SUGCT: variants seen among roughly 807,000 people sequenced by gnomAD.
The protein encoded by SUGCT is succinyl-CoA:glutarate CoA-transferase.
In SUGCT, 41 loss-of-function variants were observed where a neutral mutation model predicts 55.0. That is an observed-to-expected ratio of 0.74 (90% CI 0.58 to 0.97). SUGCT has a LOEUF of 0.97. SUGCT is among the 50% of genes least tolerant of loss of function. The pLI is 0.00. For synonymous variants in SUGCT, 187 were observed against 200.4 expected, an observed-to-expected ratio of 0.93 and a Z score of 0.56; for missense variants, 568 against 547.8, an observed-to-expected ratio of 1.04 and a Z score of -0.37.
intron 12 of SUGCT, among the ~76,000 whole-genome samples, chr7:40,627,490 A>T (rs1046801431): frequency 9.2e-5 from 14 of 152,214 alleles, no homozygotes; most frequent in African/African-American, 3.4e-4. Context: ...TGTGGAAAGC[A>T]ACCAATCAGA....
the SUGCT span, among the ~76,000 whole-genome samples, chr7:41,028,376 C>G: frequency 2.0e-5 from 3 of 152,232 alleles, no homozygotes; most frequent in African/African-American, 7.2e-5. Context: ...CTAACAGCAT[C>G]ACTGGCCGTC....
At chr7:40,915,907 A>C in the SUGCT span, among the ~76,000 whole-genome samples, 189 of 152,300 alleles carry the variant, frequency 1.2e-3, no homozygotes, top group African/African-American at 4.4e-3. Flanking sequence ...TATATTGGGC[A>C]TGTTGGGTAC....
chr7:40,934,916 C>T, the SUGCT span, among the ~76,000 whole-genome samples: 3 of 152,174 alleles, frequency 2.0e-5, no homozygotes, highest in Non-Finnish European at 2.9e-5. Flanking sequence ...GGCTCACCCT[C>T]CATGGGCTGC....
At chr7:40,750,292 A>G (rs959693200) in intron 13 of SUGCT, among the ~76,000 whole-genome samples, 6 of 152,234 alleles carry the variant, frequency 3.9e-5, no homozygotes, top group East Asian at 1.9e-4. Context: ...CATTCCAGCA[A>G]TGGAGTTCCA....
chr7:40,441,097 C>A (rs528328299), intron 9 of SUGCT, among the ~76,000 whole-genome samples: 41 of 152,222 alleles, frequency 2.7e-4, no homozygotes, highest in Admixed American at 4.6e-4. Flanking sequence ...TCATTTTCTA[C>A]CCATTGTACC....
intron 12 of SUGCT, among the ~76,000 whole-genome samples, chr7:40,714,683 A>C (rs924036025): frequency 5.3e-5 from 8 of 152,178 alleles, no homozygotes; most frequent in African/African-American, 1.9e-4. Flanking sequence ...GGCTTTTATC[A>C]ATTAAGTCAC....
intron 13 of SUGCT, among the ~76,000 whole-genome samples, chr7:40,797,589 T>C (rs1436831619): frequency 6.6e-6 from 1 of 152,206 alleles, no homozygotes. Context: ...TCTCCATTCC[T>C]ACATTTTCTA....
chr7:40,664,490 G>A (rs978456866), intron 12 of SUGCT, among the ~76,000 whole-genome samples: 2 of 152,088 alleles, frequency 1.3e-5, no homozygotes, highest in Non-Finnish European at 2.9e-5. Context: ...AAGAATCTCT[G>A]GAAATGGATC....
the SUGCT span, among the ~76,000 whole-genome samples, chr7:40,994,879 C>T: frequency 1.3e-5 from 2 of 152,164 alleles, no homozygotes; most frequent in African/African-American, 4.8e-5. Context: ...CTGTTGCTCT[C>T]ACATGTAATA....
intron 1 of SUGCT, among the ~76,000 whole-genome samples, chr7:40,174,664 A>G (rs1389347205): frequency 1.3e-5 from 2 of 152,230 alleles, no homozygotes; most frequent in Non-Finnish European, 2.9e-5. Context: ...ATAAATGAAT[A>G]AAGTTGATTA....
At chr7:40,765,896 C>CATCA (rs1788760631) in intron 13 of SUGCT, among the ~76,000 whole-genome samples, 1 of 152,188 alleles carries the variant, frequency 6.6e-6, no homozygotes, top group Admixed American at 6.5e-5. Context: ...GAATATCAAG[C>CATCA]ATCACCCTCT....
chr7:40,954,109 G>A, the SUGCT span, among the ~76,000 whole-genome samples: 6 of 145,996 alleles, frequency 4.1e-5, no homozygotes, highest in Admixed American at 1.4e-4. Context: ...CCCAGTTCGA[G>A]CTTCCTGGCC....
chr7:40,445,206 G>A (rs916039522), intron 9 of SUGCT, among the ~76,000 whole-genome samples: 3 of 152,016 alleles, frequency 2.0e-5, no homozygotes, highest in Admixed American at 2.0e-4. Flanking sequence ...AATGAATTCA[G>A]GAGCTAGCTT....
At chr7:40,144,324 C>T (rs918410544) in intron 1 of SUGCT, among the ~76,000 whole-genome samples, 14 of 152,018 alleles carry the variant, frequency 9.2e-5, no homozygotes, top group African/African-American at 2.7e-4. Context: ...AGCAATAGAG[C>T]GAGGAAAGAA....
intron 9 of SUGCT, among the ~76,000 whole-genome samples, chr7:40,370,021 G>T (rs889526697): frequency 5.3e-5 from 8 of 152,108 alleles, no homozygotes; most frequent in African/African-American, 1.7e-4. Flanking sequence ...CAGCTACTTT[G>T]TATTAGAGAA....
At chr7:40,658,861 C>G (rs946380274) in intron 12 of SUGCT, among the ~76,000 whole-genome samples, 10 of 152,310 alleles carry the variant, frequency 6.6e-5, no homozygotes, top group African/African-American at 2.4e-4. Context: ...CTCTTCCTCT[C>G]CATGTGTCAT....
chr7:40,979,078 GC>G, the SUGCT span, among the ~76,000 whole-genome samples: 1 of 151,834 alleles, frequency 6.6e-6, no homozygotes, highest in African/African-American at 2.4e-5. Context: ...ACAGTCCCTG[GC>G]CCCCCATGCC....
At chr7:40,293,655 A>G (rs1793934824) in intron 8 of SUGCT, among the ~76,000 whole-genome samples, 1 of 152,228 alleles carries the variant, frequency 6.6e-6, no homozygotes, top group Admixed American at 6.5e-5. Flanking sequence ...GATAACTCTG[A>G]TGCAGTAGAC....
At chr7:40,906,130 T>G in the SUGCT span, among the ~76,000 whole-genome samples, 1 of 151,642 alleles carries the variant, frequency 6.6e-6, no homozygotes, top group African/African-American at 2.4e-5. Context: ...TTGTTTTTGT[T>G]TTTTGTTTTT....
Sources: gnomAD v4.1 joint callset for allele counts (sites outside exome capture counted in the v4.1 genomes callset) on GRCh38, gnomAD v4.1.1 for gene constraint, MANE v1.5 for transcripts, NCBI Gene and HGNC (gene_info 2026-07-23, HGNC 2026-07-21) for gene names.